Variants in TNPO3 observed in about 807,000 individuals in gnomAD.
TNPO3 encodes the protein transportin-3.
In TNPO3, 65 loss-of-function variants were observed where a neutral mutation model predicts 122.8. The ratio of observed to expected loss-of-function variants is 0.53; its 90% confidence interval spans 0.43 to 0.65. The LOEUF (loss-of-function observed/expected upper bound fraction) is 0.65, where lower values mean the gene tolerates loss of function less well. Among genes scored for constraint, TNPO3 ranks in the 30% least tolerant of loss-of-function variants. The pLI, the probability that TNPO3 is intolerant of heterozygous loss-of-function variation, is 0.00. For synonymous variants in TNPO3, 372 were observed against 411.2 expected (o/e 0.90, Z 1.15); for missense variants, 850 against 1,136.7 (o/e 0.75, Z 3.63).
chr7:129,038,038 C>T (rs549622616), intron 1 of TNPO3, among the ~76,000 whole-genome samples: 19 of 152,168 alleles, frequency 1.2e-4, no homozygotes, highest in African/African-American at 4.6e-4. Context: ...GTTACTCCCC[C>T]AAATAAGCAA....
intron 1 of TNPO3, among the ~76,000 whole-genome samples, chr7:129,045,928 A>T (rs1038030371): frequency 3.9e-5 from 6 of 151,998 alleles, no homozygotes; most frequent in African/African-American, 7.2e-5. Flanking sequence ...GGCCGGGCGC[A>T]GTGGCTCATG....
chr7:128,986,498 T>C (rs1340557874), intron 12 of TNPO3, among the ~76,000 whole-genome samples: 1 of 152,230 alleles, frequency 6.6e-6, no homozygotes, highest in Non-Finnish European at 1.5e-5. Flanking sequence ...GTCGGTGCTA[T>C]ATATACCGCA....
At chr7:129,043,302 G>A (rs1034048805) in intron 1 of TNPO3, among the ~76,000 whole-genome samples, 2 of 151,974 alleles carry the variant, frequency 1.3e-5, no homozygotes, top group African/African-American at 4.8e-5. Context: ...TCAGGGGGTG[G>A]GGGTAGGGGA....
intron 22 of TNPO3, among the ~76,000 whole-genome samples, chr7:128,956,239 C>G (rs963611424): frequency 1.3e-5 from 2 of 152,172 alleles, no homozygotes; most frequent in Non-Finnish European, 1.5e-5. Context: ...TCACTTTTAC[C>G]TATGAATGCA....
chr7:128,984,187 T>A lies in TNPO3; in HGVS notation c.1763A>T (p.Gln588Leu). 1 of 1,610,294 alleles carries A rather than the reference T, an allele frequency of 6.2e-7. No homozygotes were observed. Among genetic ancestry groups the A allele is most frequent in the Non-Finnish European group, 8.5e-7 (1 of 1,178,174 alleles). Residue 588 changes from glutamine to leucine, a missense_variant, in exon 13 of 23, where the codon CAG becomes CTG. Coordinates refer to ENST00000265388, the MANE Select transcript of TNPO3 (RefSeq NM_012470.4). ...ACTTACCTTTTTCAATGCCATAACCTGAACAGAACATAGTTCACTAAGACA... is the reference window on the plus strand; with the variant it reads ...ACTTACCTTTTTCAATGCCATAACCAGAACAGAACATAGTTCACTAAGACA... Reference protein sequence around the residue: ...TECLSELCSVQVMALKKLLSQ... With the variant: ...TECLSELCSVLVMALKKLLSQ...
chr7:129,034,143 T>C (rs1426233993), intron 1 of TNPO3, among the ~76,000 whole-genome samples: 1 of 152,230 alleles, frequency 6.6e-6, no homozygotes, highest in African/African-American at 2.4e-5. Context: ...GACATTATAC[T>C]AAGTGAAAAT....
At chr7:129,027,586 A>AAC (rs1563107452) in intron 1 of TNPO3, among the ~76,000 whole-genome samples, 1 of 115,384 alleles carries the variant, frequency 8.7e-6, no homozygotes, top group Non-Finnish European at 1.9e-5. Flanking sequence ...AAAAAAAAAA[A>AAC]AAAAACAACA....
At chr7:128,998,130 G>A (rs1801534822) in intron 7 of TNPO3, among the ~76,000 whole-genome samples, 1 of 151,438 alleles carries the variant, frequency 6.6e-6, no homozygotes, top group African/African-American at 2.4e-5. Context: ...CTACAGGCAT[G>A]AGCCACCACA....
At chr7:129,053,305 G>A (rs1394954143) in intron 1 of TNPO3, among the ~76,000 whole-genome samples, 1 of 149,790 alleles carries the variant, frequency 6.7e-6, no homozygotes, top group Non-Finnish European at 1.5e-5. Flanking sequence ...TCCAGCCTGG[G>A]CAACAGAGCC....
rs994337323 is a variant in TNPO3, at chr7:129,018,018, C to T, written c.260G>A (p.Arg87Gln). 1.2e-6 allele frequency: 2 copies of T among 1,614,030 alleles called. No homozygotes were observed. Among genetic ancestry groups the T allele is most frequent in the Non-Finnish European group, 1.7e-6 (2 of 1,180,000 alleles). Residue 87 changes from arginine to glutamine, a missense_variant, in exon 2 of 23, where the codon CGG becomes CAG. Physicochemically the swap from Arg to Gln is conservative, Grantham distance 43. Transcript: ENST00000265388. ...CTGGATATGGGTTAGCAATGAGTCC[C>T]GTAAAGAGGCATGAGAGTCTGTGGG... ...ELPTDSHASL[R>Q]DSLLTHIQNL...
chr7:129,017,174 C>T (rs1198153563), intron 2 of TNPO3, 118 bp from the exon 3 acceptor site: 1 of 926,714 alleles, frequency 1.1e-6, no homozygotes, highest in Non-Finnish European at 1.7e-6. Context: ...AGACTAACCC[C>T]CTTCCCCCAT....
At chr7:128,999,369 T>C (rs531814726) in intron 7 of TNPO3, among the ~76,000 whole-genome samples, 1 of 152,112 alleles carries the variant, frequency 6.6e-6, no homozygotes, top group African/African-American at 2.4e-5. Context: ...TTTAAAGGAG[T>C]GATAACTGCG....
chr7:129,032,432 A>G (rs1806057260), intron 1 of TNPO3, among the ~76,000 whole-genome samples: 1 of 152,220 alleles, frequency 6.6e-6, no homozygotes, highest in African/African-American at 2.4e-5. Context: ...CATATAATGT[A>G]AGATCATTCA....
At chr7:128,977,481 A>G (rs560583111) in intron 16 of TNPO3, among the ~76,000 whole-genome samples, 3 of 152,368 alleles carry the variant, frequency 2.0e-5, no homozygotes, top group Non-Finnish European at 2.9e-5. Flanking sequence ...AATCAAATCT[A>G]TAATTTAGAG....
chr7:128,989,516 G>A (rs1800531641), intron 11 of TNPO3, among the ~76,000 whole-genome samples: 1 of 152,142 alleles, frequency 6.6e-6, no homozygotes, highest in Non-Finnish European at 1.5e-5. Context: ...GGTTATATAA[G>A]TCTTCATTTT....
intron 4 of TNPO3, among the ~76,000 whole-genome samples, chr7:129,011,161 A>G (rs186808711): frequency 2.0e-5 from 3 of 152,318 alleles, no homozygotes; most frequent in African/African-American, 7.2e-5. Context: ...AAAACATGCT[A>G]AAGGAAACGA....
At chr7:129,046,875 G>A (rs112868952) in intron 1 of TNPO3, among the ~76,000 whole-genome samples, 14,394 of 152,112 alleles carry the variant, frequency 0.095, 749 homozygotes, top group Non-Finnish European at 0.12. Flanking sequence ...ACTACCACAA[G>A]AACAGTATGA....
At chr7:128,968,892 A>ATT (rs200153384) in intron 20 of TNPO3, among the ~76,000 whole-genome samples, 3 of 149,110 alleles carry the variant, frequency 2.0e-5, no homozygotes, top group Non-Finnish European at 3.0e-5. Flanking sequence ...AAAGAAAAAA[A>ATT]ATTTTTTTTT....
intron 1 of TNPO3, among the ~76,000 whole-genome samples, chr7:129,025,930 A>G (rs1805098526): frequency 6.6e-6 from 1 of 152,180 alleles, no homozygotes; most frequent in Admixed American, 6.5e-5. Context: ...GTTCTAGACC[A>G]GCCTGGCCAA....
Sources: allele counts gnomAD v4.1 joint callset (sites outside exome capture counted in the v4.1 genomes callset), GRCh38; gene constraint gnomAD v4.1.1; transcripts MANE v1.5; gene names NCBI Gene and HGNC (gene_info 2026-07-23, HGNC 2026-07-21).